Variants in RALYL observed in about 807,000 individuals in gnomAD.
RALYL encodes RNA-binding Raly-like protein.
A neutral mutation model predicts 35.1 loss-of-function variants in RALYL; 29 were observed. The observed-to-expected ratio is 0.83, with a 90% CI of 0.61 to 1.13. The LOEUF is 1.13. Ranked by LOEUF, RALYL falls within the 50% of genes most tolerant of loss-of-function variation. The pLI is 0.00. For missense variants in RALYL, 359 were observed against 360.4 expected (o/e 1.00, Z 0.03); for synonymous variants, 120 against 127.6 (o/e 0.94, Z 0.40).
chr8:84,434,623 A>T (rs937926770), intron 1 of RALYL, among the ~76,000 whole-genome samples: 2 of 152,172 alleles, frequency 1.3e-5, no homozygotes, highest in Non-Finnish European at 2.9e-5. Context: ...AACTTAAAGA[A>T]TATTAATCAA....
chr8:84,859,991 G>A (rs568070498), intron 5 of RALYL, among the ~76,000 whole-genome samples: 1 of 152,276 alleles, frequency 6.6e-6, no homozygotes, highest in South Asian at 2.1e-4. Context: ...TAAAATGTAT[G>A]CCCCATACTA....
chr8:84,219,869 A>G (rs2131291407), intron 1 of RALYL, among the ~76,000 whole-genome samples: 1 of 151,914 alleles, frequency 6.6e-6, no homozygotes, highest in East Asian at 1.9e-4. Flanking sequence ...ACGTATAGAT[A>G]GATAGATAGA....
At chr8:84,344,776 A>G (rs1246227153) in intron 1 of RALYL, among the ~76,000 whole-genome samples, 1 of 152,068 alleles carries the variant, frequency 6.6e-6, no homozygotes, top group African/African-American at 2.4e-5. Context: ...GATTCCTCAT[A>G]TCAGTGAGAT....
intron 2 of RALYL, among the ~76,000 whole-genome samples, chr8:84,542,952 A>G (rs2060115370): frequency 1.3e-5 from 2 of 152,134 alleles, no homozygotes; most frequent in Admixed American, 1.3e-4. Flanking sequence ...AATATATCCC[A>G]CATCCCCTTG....
chr8:84,273,176 T>G (rs1220202203), intron 1 of RALYL, among the ~76,000 whole-genome samples: 1 of 152,232 alleles, frequency 6.6e-6, no homozygotes, highest in African/African-American at 2.4e-5. Flanking sequence ...TCTTACAGTT[T>G]CTATAGATCA....
At chr8:84,394,846 TA>T (rs1861448081) in intron 1 of RALYL, among the ~76,000 whole-genome samples, 2 of 151,966 alleles carry the variant, frequency 1.3e-5, no homozygotes, top group African/African-American at 4.8e-5. Context: ...CAAGCTCACA[TA>T]AAAATAGGAA....
At chr8:84,355,170 G>C (rs1412333442) in intron 1 of RALYL, among the ~76,000 whole-genome samples, 1 of 150,030 alleles carries the variant, frequency 6.7e-6, no homozygotes, top group African/African-American at 2.5e-5. Context: ...CATACCAAGG[G>C]GTCTTAAAAG....
intron 2 of RALYL, among the ~76,000 whole-genome samples, chr8:84,658,578 G>A (rs1037376838): frequency 2.0e-5 from 3 of 152,076 alleles, no homozygotes; most frequent in African/African-American, 7.2e-5. Flanking sequence ...CATAGAACAC[G>A]GTTCCAACAG....
At chr8:84,702,776 A>T (rs1184090307) in intron 2 of RALYL, among the ~76,000 whole-genome samples, 1 of 152,126 alleles carries the variant, frequency 6.6e-6, no homozygotes, top group East Asian at 1.9e-4. Flanking sequence ...AAAGGTATAG[A>T]TACAATTATT....
intron 1 of RALYL, among the ~76,000 whole-genome samples, chr8:84,407,409 T>C (rs1157443101): frequency 6.6e-6 from 1 of 152,134 alleles, no homozygotes; most frequent in African/African-American, 2.4e-5. Flanking sequence ...CATGCAAAAG[T>C]AGAGACAATG....
intron 2 of RALYL, among the ~76,000 whole-genome samples, chr8:84,641,806 A>AAC (rs1826394118): frequency 1.3e-5 from 2 of 151,386 alleles, no homozygotes; most frequent in Admixed American, 6.6e-5. Flanking sequence ...AAAAAAAAAA[A>AAC]AACTCATATA....
At chr8:84,658,549 T>A (rs1219958422) in intron 2 of RALYL, among the ~76,000 whole-genome samples, 2 of 152,056 alleles carry the variant, frequency 1.3e-5, no homozygotes, top group African/African-American at 4.8e-5. Context: ...AACAACTGAG[T>A]CATCAGTACT....
At chr8:84,904,995 C>T (rs562874795) in intron 8 of RALYL, among the ~76,000 whole-genome samples, 77 of 152,210 alleles carry the variant, frequency 5.1e-4, no homozygotes, top group African/African-American at 1.8e-3. Context: ...TTTAAGGGTA[C>T]GATACAGTAT....
intron 2 of RALYL, among the ~76,000 whole-genome samples, chr8:84,676,257 T>A (rs1426737622): frequency 6.6e-6 from 1 of 152,234 alleles, no homozygotes; most frequent in Non-Finnish European, 1.5e-5. Context: ...ATGGCCAATT[T>A]GGGTTGCTTA....
intron 2 of RALYL, among the ~76,000 whole-genome samples, chr8:84,648,997 T>G (rs1011526882): frequency 6.6e-6 from 1 of 151,950 alleles, no homozygotes; most frequent in African/African-American, 2.4e-5. Flanking sequence ...TGCTCATTCA[T>G]AGAGTAAATA....
At chr8:84,496,111 G>T (rs2055982513) in intron 1 of RALYL, among the ~76,000 whole-genome samples, 1 of 151,972 alleles carries the variant, frequency 6.6e-6, no homozygotes, top group Non-Finnish European at 1.5e-5. Flanking sequence ...ATTGATCTTT[G>T]TTCATGGTAT....
chr8:84,558,374 G>A (rs1259915341), intron 2 of RALYL, among the ~76,000 whole-genome samples: 1 of 152,026 alleles, frequency 6.6e-6, no homozygotes, highest in Admixed American at 6.6e-5. Context: ...CTTGTGTTTT[G>A]TAGTATCTGT....
chr8:84,609,723 T>A (rs1462200088), intron 2 of RALYL, among the ~76,000 whole-genome samples: 1 of 152,188 alleles, frequency 6.6e-6, no homozygotes, highest in Non-Finnish European at 1.5e-5. Context: ...TAGCACAATG[T>A]ATTTCCGGTA....
rs138583702 is a variant in RALYL at position 84,202,155 on chromosome 8, G to T, written c.-24+17731G>T. 1.5e-4 allele frequency among the ~76,000 whole-genome samples: 22 copies of T among 148,364 alleles called. No homozygotes were observed. In the East Asian group the frequency reaches 3.4e-3, roughly 23 times the overall value. On this transcript the variant is annotated intron_variant, in intron 1 of 8. Coordinates refer to ENST00000521268, the MANE Select transcript of RALYL (RefSeq NM_173848.7). ...TATTTTACTGTAATATTGCAGTTTTGTATGCACTTTTATTTTATATGAATT... is the reference window on the plus strand; with the variant it reads ...TATTTTACTGTAATATTGCAGTTTTTTATGCACTTTTATTTTATATGAATT...
Sources: gnomAD v4.1 joint callset for allele counts (sites outside exome capture counted in the v4.1 genomes callset) on GRCh38, gnomAD v4.1.1 for gene constraint, MANE v1.5 for transcripts, NCBI Gene and HGNC (gene_info 2026-07-23, HGNC 2026-07-21) for gene names.